DSG4: variants seen among roughly 807,000 people sequenced by gnomAD.
The protein encoded by DSG4 is desmoglein 4.
Under a neutral mutation model 93.1 loss-of-function variants are expected in DSG4, and 87 were observed. The observed-to-expected ratio is 0.93, with a 90% CI of 0.79 to 1.12. DSG4 has a LOEUF of 1.12. Among genes scored for constraint, DSG4 ranks in the 50% most tolerant of loss-of-function variants. The pLI, the probability that DSG4 is intolerant of heterozygous loss-of-function variation, is 0.00. For missense variants in DSG4, 1,373 were observed against 1,285.7 expected, an observed-to-expected ratio of 1.07 and a Z score of -1.04; for synonymous variants, 432 against 452.9, an observed-to-expected ratio of 0.95 and a Z score of 0.59.
chr18:31,413,630 G>A lies in DSG4; in HGVS notation c.*35G>A. The A allele has an allele frequency of 6.2e-7, 1 of 1,606,166 alleles. No individual in the cohort carries two copies. The highest frequency in any genetic ancestry group is 8.5e-7 in the Non-Finnish European group (1 of 1,178,688). ...GGTCAGTATTCTATGTGGAGACCTT[G>A]CACCTTGTAATCATCAATACATCCA... is the stretch of plus-strand genomic sequence containing the variant. On this transcript the variant is annotated 3_prime_UTR_variant, in exon 16 of 16. Coordinates refer to ENST00000308128, the MANE Select transcript of DSG4 (RefSeq NM_177986.5).
rs188550585 is a variant in DSG4 at position 31,404,344 on chromosome 18, G to A, written c.1636+710G>A. Among the ~76,000 whole-genome samples, 8 of 152,280 alleles carry A rather than the reference G, an allele frequency of 5.3e-5. No homozygotes were observed. In the East Asian group the frequency reaches 1.5e-3, roughly 29 times the overall value. ...GACTATAACTACATACAATTGAATGGCTGACATCGATAAAAATTAAGAATA... is the reference window on the plus strand; with the variant it reads ...GACTATAACTACATACAATTGAATGACTGACATCGATAAAAATTAAGAATA... On this transcript the variant is annotated intron_variant, in intron 11 of 15. Transcript: ENST00000308128.
chr18:31,403,286 C>T lies in DSG4; in HGVS notation c.1418-130C>T, dbSNP rs1033760900. ...AGTGACTTTGGGTCACTGAAGCGGG[C>T]AGGAACCTGTCAAGCCTCCCAAGTC... On this transcript the variant is annotated intron_variant, in intron 10 of 15. Coordinates refer to ENST00000308128, the MANE Select transcript of DSG4 (RefSeq NM_177986.5). 8 of 766,368 alleles carry T rather than the reference C, an allele frequency of 1.0e-5. No homozygotes were observed. In the Admixed American group the frequency reaches 1.4e-4, roughly 13 times the overall value. The allele number at this position is 766,368 out of a possible 1,614,324, so 47.5% of individuals were successfully genotyped here. A position where few individuals can be genotyped will look rare whatever the true frequency, so the allele number is the denominator to read the frequency against.
chr18:31,391,071 G>A lies in DSG4; in HGVS notation c.685-7G>A. On this transcript the variant is annotated splice_region_variant and splice_polypyrimidine_tract_variant and intron_variant, in intron 6 of 15. Coordinates refer to ENST00000308128, the MANE Select transcript of DSG4 (RefSeq NM_177986.5). The stretch of plus-strand genomic sequence containing the variant: ...TAAGTCTTACGTTCTTTTTCATCTT[G>A]ATTAAGCAACACAGTATGTACAACC... 6.2e-7 allele frequency: 1 copy of A among 1,613,462 alleles called. No individual in the cohort carries two copies. Among genetic ancestry groups the A allele is most frequent in the Admixed American group, 1.7e-5 (1 of 59,966 alleles).
intron 12 of DSG4, 98 bp from the exon 13 acceptor site, chr18:31,409,354 A>G (rs1350005105): frequency 6.3e-7 from 1 of 1,575,358 alleles, no homozygotes; most frequent in African/African-American, 1.3e-5. Context: ...TTTTTGTTCT[A>G]AATATACTGC....
chr18:31,391,468 A>G (rs1454846545), intron 7 of DSG4, among the ~76,000 whole-genome samples: 4 of 152,180 alleles, frequency 2.6e-5, no homozygotes, highest in African/African-American at 9.7e-5. Flanking sequence ...CTCTATTCAC[A>G]GAAACACAGA....
intron 1 of DSG4, among the ~76,000 whole-genome samples, chr18:31,381,237 G>A (rs1429317777): frequency 1.3e-5 from 2 of 152,188 alleles, no homozygotes; most frequent in Non-Finnish European, 2.9e-5. Flanking sequence ...GAGCTGGAGT[G>A]TTTCATATTG....
intron 2 of DSG4, 90 bp downstream of exon 2, chr18:31,385,261 A>G (rs1351745167): frequency 1.1e-6 from 1 of 945,768 alleles, no homozygotes; most frequent in Non-Finnish European, 1.6e-6. Flanking sequence ...AGAATATTTG[A>G]AATTGTAATT....
Position 31,391,208 on chromosome 18 carries a change from C to G in DSG4, c.815C>G (p.Thr272Ser), listed in dbSNP as rs1179511854. 1 of 1,613,500 alleles carries G rather than the reference C, an allele frequency of 6.2e-7. No homozygotes were observed. Among genetic ancestry groups the G allele is most frequent in the Non-Finnish European group, 8.5e-7 (1 of 1,179,546 alleles). Reference sequence around the variant, plus strand: ...GATAATTTCCCCACCTTAGAGAAAACTTCAGTAAGTTTGTATTCTTATCTT... The same window carrying G: ...GATAATTTCCCCACCTTAGAGAAAAGTTCAGTAAGTTTGTATTCTTATCTT... ...VNDNFPTLEK[T>S]SYSASIEENC... Residue 272 changes from threonine (T) to serine (S), a missense_variant, in exon 7 of 16, where the codon ACT (threonine) becomes AGT (serine). Transcript: ENST00000308128.
At chr18:31,406,597 T>C (rs149127835) in intron 12 of DSG4, among the ~76,000 whole-genome samples, 1 of 152,038 alleles carries the variant, frequency 6.6e-6, no homozygotes, top group African/African-American at 2.4e-5. Context: ...GGGAAACACA[T>C]GCAAATCACT....
rs183098705 is a variant in DSG4, at chr18:31,400,977, T to C, written c.1374T>C (p.Tyr458=). ...GAGAATTTGATAAGAAGTCAAAATA[T>C]ATTATCAATGGGATATACACAGCAG... ...FSREFDKKSK[Y]IINGIYTAEI... is the part of the protein sequence containing the mutation. Residue 458 remains tyrosine, a synonymous_variant, in exon 10 of 16, where the codon TAT becomes TAC. Transcript: ENST00000308128. The C allele has an allele frequency of 6.2e-6, 10 of 1,611,500 alleles. No homozygotes were observed. The Admixed American group carries it at 1.0e-4, about 16-fold the overall frequency.
chr18:31,411,835 C>G (rs531312339), intron 15 of DSG4, among the ~76,000 whole-genome samples: 1 of 151,972 alleles, frequency 6.6e-6, no homozygotes, highest in Non-Finnish European at 1.5e-5. Flanking sequence ...CATGTTCTCC[C>G]GGAGCCTCCA....
chr18:31,412,440 A>T (rs972696486), intron 15 of DSG4, among the ~76,000 whole-genome samples: 1 of 152,216 alleles, frequency 6.6e-6, no homozygotes, highest in African/African-American at 2.4e-5. Flanking sequence ...AAGAAGATCT[A>T]GTATTTGGTA....
chr18:31,388,390 C>T lies in DSG4; in HGVS notation c.240C>T (p.Asn80=). 1 of 1,613,314 alleles carries T rather than the reference C, an allele frequency of 6.2e-7. No individual in the cohort carries two copies. Among genetic ancestry groups the T allele is most frequent in the Non-Finnish European group, 8.5e-7 (1 of 1,179,516 alleles). The change falls in exon 4 of 16, where the codon AAC becomes AAT. Residue 80 remains asparagine, a synonymous_variant. Transcript: ENST00000308128. ...AGATTCGATCAGACTGCGAATCGAACCAGAAGATAACATACCGGATTTCTG... is the reference window on the plus strand; with the variant it reads ...AGATTCGATCAGACTGCGAATCGAATCAGAAGATAACATACCGGATTTCTG... The part of the protein sequence containing the change: ...IAKIRSDCES[N]QKITYRISGV...
chr18:31,398,292 G>A, intron 8 of DSG4, among the ~76,000 whole-genome samples: 1 of 152,112 alleles, frequency 6.6e-6, no homozygotes, highest in East Asian at 1.9e-4. Context: ...AAGGGTTTTG[G>A]CTGAAATTCA....
chr18:31,388,614 A>G, intron 4 of DSG4, 92 bp downstream of exon 4: 2 of 1,528,980 alleles, frequency 1.3e-6, no homozygotes, highest in Non-Finnish European at 1.8e-6. Flanking sequence ...TACTTTTGAT[A>G]AAACATGGCA....
intron 13 of DSG4, 49 bp from the exon 14 acceptor site, chr18:31,409,696 A>G (rs1467813319): frequency 9.9e-5 from 160 of 1,614,052 alleles, no homozygotes; most frequent in Non-Finnish European, 1.4e-4. Context: ...CAGTTTTTAA[A>G]TGTTTAACAT....
rs1454343874 is a variant in DSG4, at chr18:31,397,535, T to A, written c.1006-1737T>A. Among the ~76,000 whole-genome samples, 8 of 152,100 alleles carry A rather than the reference T, an allele frequency of 5.3e-5. No homozygotes were observed. In the East Asian group the frequency reaches 1.5e-3, roughly 29 times the overall value. ...ATGCCTTTCCTCTATTTGGCTTTCCTCCAAGAGGAAAGGTTGACCCCAGAA... is the reference window on the plus strand; with the variant it reads ...ATGCCTTTCCTCTATTTGGCTTTCCACCAAGAGGAAAGGTTGACCCCAGAA... On this transcript the variant is annotated intron_variant, in intron 8 of 15. Transcript: ENST00000308128.
intron 5 of DSG4, among the ~76,000 whole-genome samples, chr18:31,389,277 A>C (rs1174104473): frequency 6.6e-6 from 1 of 152,162 alleles, no homozygotes; most frequent in Non-Finnish European, 1.5e-5. Flanking sequence ...AAAGATTGCT[A>C]CTGGGCTCAT....
rs570480546 is a variant in DSG4, at chr18:31,414,154, G to A, written c.*559G>A. On this transcript the variant is annotated 3_prime_UTR_variant, in exon 16 of 16. Coordinates refer to ENST00000308128, the MANE Select transcript of DSG4 (RefSeq NM_177986.5). ...CAATATTATGCGCTATTAAGCAATAGGAGATGCTTAATATAATAAGAAAAG... is the reference window on the plus strand; with the variant it reads ...CAATATTATGCGCTATTAAGCAATAAGAGATGCTTAATATAATAAGAAAAG... 1 of 152,324 alleles carries A rather than the reference G, an allele frequency of 6.6e-6. No homozygotes were observed. The highest frequency in any genetic ancestry group is 2.4e-5 in the African/African-American group (1 of 41,548). 9.4% of individuals were successfully genotyped at this position (152,324 alleles called of 1,614,324 possible).
Sources: allele counts gnomAD v4.1 joint callset (sites outside exome capture counted in the v4.1 genomes callset), GRCh38; gene constraint gnomAD v4.1.1; transcripts MANE v1.5; gene names NCBI Gene and HGNC (gene_info 2026-07-23, HGNC 2026-07-21).